Variants in IMPG2 observed in about 807,000 individuals in gnomAD.
IMPG2 encodes interphotoreceptor matrix proteoglycan 2.
IMPG2 carries 91 observed loss-of-function variants against 129.2 expected under a neutral mutation model. The observed-to-expected ratio is 0.70, with a 90% CI of 0.59 to 0.84. The LOEUF (loss-of-function observed/expected upper bound fraction) is 0.84, where lower values mean the gene tolerates loss of function less well. IMPG2 is among the 40% of genes least tolerant of loss of function. The probability of loss-of-function intolerance (pLI) is 0.00; values close to 1 mark genes in which losing one functional copy is unlikely to be tolerated. For synonymous variants in IMPG2, 510 were observed against 517.7 expected (o/e 0.99, Z 0.20); for missense variants, 1,430 against 1,461.7 (o/e 0.98, Z 0.35).
At chr3:101,298,812 G>T (rs1707109694) in intron 3 of IMPG2, among the ~76,000 whole-genome samples, 1 of 152,114 alleles carries the variant, frequency 6.6e-6, no homozygotes, top group East Asian at 1.9e-4. Flanking sequence ...CCCTGCCTTT[G>T]TCTCTGGCTG....
chr3:101,318,149 AAATAAT>A (rs138777161), intron 2 of IMPG2, among the ~76,000 whole-genome samples: 4,792 of 144,124 alleles, frequency 0.033, 105 homozygotes, highest in African/African-American at 0.052. Flanking sequence ...AAATAGTAAT[AAATAAT>A]AATAATAATA....
At chr3:101,319,357 ATAT>A (rs1364635580) in intron 2 of IMPG2, among the ~76,000 whole-genome samples, 2 of 152,122 alleles carry the variant, frequency 1.3e-5, no homozygotes, top group Non-Finnish European at 2.9e-5. Flanking sequence ...TTATTAAATG[ATAT>A]TATTGCCTTA....
At chr3:101,248,387 A>G (rs1346562730) in intron 11 of IMPG2, among the ~76,000 whole-genome samples, 1 of 152,210 alleles carries the variant, frequency 6.6e-6, no homozygotes. Flanking sequence ...ATGGAACTGT[A>G]AGTCCATTAA....
intron 3 of IMPG2, among the ~76,000 whole-genome samples, chr3:101,294,613 T>C (rs1707058693): frequency 6.6e-6 from 1 of 152,218 alleles, no homozygotes; most frequent in African/African-American, 2.4e-5. Context: ...TACCCAATAA[T>C]GGGATTGCTG....
chr3:101,232,310 T>C (rs1481808454), intron 15 of IMPG2, among the ~76,000 whole-genome samples: 2 of 152,100 alleles, frequency 1.3e-5, no homozygotes, highest in Non-Finnish European at 2.9e-5. Flanking sequence ...CGATCTCAGC[T>C]CACTGCAACC....
Position 101,308,249 on chromosome 3 carries a change from C to T in IMPG2, c.335-3937G>A, listed in dbSNP as rs143630161. On this transcript the variant is annotated intron_variant, in intron 2 of 18. Transcript: ENST00000193391. ...GGACAGTGACCCTCTTCTCATAGCT[C>T]CACTAGTCAGTGCCCCAGTGGGGAC... Among the ~76,000 whole-genome samples the T allele has an allele frequency of 8.8e-3, 1,317 of 149,848 alleles. 20 individuals are homozygous for T. The highest frequency in any genetic ancestry group is 0.031 in the African/African-American group (1,267 of 40,538).
chr3:101,291,032 G>C (rs576555341), intron 4 of IMPG2, among the ~76,000 whole-genome samples: 4 of 152,264 alleles, frequency 2.6e-5, no homozygotes, highest in Non-Finnish European at 5.9e-5. Flanking sequence ...ACAGTGAACA[G>C]AGTCAAGAAT....
chr3:101,245,510 T>C (rs2107221723), intron 12 of IMPG2, among the ~76,000 whole-genome samples: 1 of 152,348 alleles, frequency 6.6e-6, no homozygotes, highest in Middle Eastern at 3.4e-3. Flanking sequence ...GGCTCTTTAA[T>C]AGTAGTAGCA....
rs562310097 is a variant in IMPG2 at position 101,273,560 on chromosome 3, G to C, written c.828+21C>G. ...ACATAGCAGGCATACTGCCTTGTTT[G>C]TTTTTTTTTTAATCACCCACCTCTG... On this transcript the variant is annotated intron_variant, in intron 7 of 18. Transcript: ENST00000193391. 4 of 1,366,748 alleles carry C rather than the reference G, an allele frequency of 2.9e-6. No homozygotes were observed. In the African/African-American group the frequency reaches 4.3e-5, roughly 15 times the overall value. 84.7% of individuals were successfully genotyped at this position (1,366,748 alleles called of 1,614,324 possible). A position where few individuals can be genotyped will look rare whatever the true frequency, so the allele number is the denominator to read the frequency against.
At chr3:101,271,371 T>C (rs2107248691) in intron 7 of IMPG2, among the ~76,000 whole-genome samples, 2 of 152,330 alleles carry the variant, frequency 1.3e-5, no homozygotes, top group East Asian at 3.9e-4. Flanking sequence ...GGCTTTGCAA[T>C]CTCTGGAGTC....
At chr3:101,280,816 G>A (rs895786802) in intron 4 of IMPG2, among the ~76,000 whole-genome samples, 3 of 152,064 alleles carry the variant, frequency 2.0e-5, no homozygotes, top group African/African-American at 7.2e-5. Context: ...GGGCATAGTG[G>A]CACATGCCTG....
In IMPG2 at chr3:101,242,794, A is replaced by G. The variant is rs755477365; in HGVS notation, c.2916T>C (p.Pro972=). ...NSRMKFANSV[P]PNVNNAVYMI... ...TGTACACCGCATTGTTGACGTTAGG[A>G]GGGACAGAATTGGCAAACTTCATTC... Residue 972 remains proline, a synonymous_variant, in exon 14 of 19, where the codon CCT becomes CCC. Coordinates refer to ENST00000193391, the MANE Select transcript of IMPG2 (RefSeq NM_016247.4). 1.2e-6 allele frequency: 2 copies of G among 1,613,888 alleles called. No individual in the cohort carries two copies. The highest frequency in any genetic ancestry group is 2.7e-5 in the African/African-American group (2 of 74,914).
intron 7 of IMPG2, among the ~76,000 whole-genome samples, chr3:101,271,370 A>G (rs951782560): frequency 3.3e-5 from 5 of 152,206 alleles, no homozygotes; most frequent in Admixed American, 6.5e-5. Context: ...AGGCTTTGCA[A>G]TCTCTGGAGT....
chr3:101,275,846 ATAGT>A (rs1185637180), intron 5 of IMPG2, 101 bp from the exon 6 acceptor site: 2 of 875,128 alleles, frequency 2.3e-6, no homozygotes. Flanking sequence ...ATTCCTATAA[ATAGT>A]TTGTTTTATT....
At chr3:101,269,993 C>A (rs1162501563) in intron 7 of IMPG2, among the ~76,000 whole-genome samples, 1 of 134,924 alleles carries the variant, frequency 7.4e-6, no homozygotes, top group African/African-American at 2.8e-5. Context: ...TGCAGTGGTG[C>A]GATCTTGGCT....
At chr3:101,294,160 G>A (rs1707052247) in intron 3 of IMPG2, among the ~76,000 whole-genome samples, 1 of 152,134 alleles carries the variant, frequency 6.6e-6, no homozygotes, top group Middle Eastern at 3.2e-3. Context: ...GTGCCATGGT[G>A]GTTTGCTGCA....
At chr3:101,262,868 C>T (rs1359392460) in intron 9 of IMPG2, among the ~76,000 whole-genome samples, 1 of 151,146 alleles carries the variant, frequency 6.6e-6, no homozygotes, top group Non-Finnish European at 1.5e-5. Flanking sequence ...ACATATATCC[C>T]ACACAAACAG....
At chr3:101,256,763 G>A (rs1243843212) in intron 10 of IMPG2, among the ~76,000 whole-genome samples, 4 of 152,010 alleles carry the variant, frequency 2.6e-5, no homozygotes, top group Admixed American at 1.3e-4. Context: ...CTTCCATAAC[G>A]TATATTCCAC....
At chr3:101,269,989 G>A (rs2107247108) in intron 7 of IMPG2, among the ~76,000 whole-genome samples, 1 of 142,622 alleles carries the variant, frequency 7.0e-6, no homozygotes, top group South Asian at 2.2e-4. Flanking sequence ...GGAGTGCAGT[G>A]GTGCGATCTT....
Sources: allele counts gnomAD v4.1 joint callset (sites outside exome capture counted in the v4.1 genomes callset), GRCh38; gene constraint gnomAD v4.1.1; transcripts MANE v1.5; gene names NCBI Gene and HGNC (gene_info 2026-07-23, HGNC 2026-07-21).